HORMAD2: variants seen among roughly 807,000 people sequenced by gnomAD.
HORMAD2 encodes HORMA domain containing 2, also known as HORMA domain-containing protein 2.
A neutral mutation model predicts 38.8 loss-of-function variants in HORMAD2; 45 were observed. That is an observed-to-expected ratio of 1.16 (90% CI 0.91 to 1.49). The LOEUF (loss-of-function observed/expected upper bound fraction) is 1.49, where lower values mean the gene tolerates loss of function less well. HORMAD2 is among the 40% of genes most tolerant of loss of function. The pLI is 0.00. For synonymous variants in HORMAD2, 126 were observed against 122.8 expected (o/e 1.03, Z -0.17); for missense variants, 338 against 367.0 (o/e 0.92, Z 0.65).
At chr22:30,099,533 T>G (rs964476751) in intron 3 of HORMAD2, among the ~76,000 whole-genome samples, 12 of 152,200 alleles carry the variant, frequency 7.9e-5, no homozygotes, top group African/African-American at 2.9e-4. Flanking sequence ...GCTCTTAAAC[T>G]TATCATCTTA....
chr22:30,087,694 A>G (rs1041122812), intron 1 of HORMAD2, among the ~76,000 whole-genome samples: 1 of 151,672 alleles, frequency 6.6e-6, no homozygotes, highest in Admixed American at 6.6e-5. Flanking sequence ...CACATCTTAC[A>G]TGGCCAAAGC....
At chr22:30,105,263 C>T (rs1921101827) in intron 5 of HORMAD2, 1 of 172,480 alleles carries the variant, frequency 5.8e-6, no homozygotes, top group Non-Finnish European at 1.3e-5. Context: ...CAGGGTGAAG[C>T]CACACACCTC....
At chr22:30,086,088 G>C (rs1438866002) in intron 1 of HORMAD2, among the ~76,000 whole-genome samples, 1 of 152,166 alleles carries the variant, frequency 6.6e-6, no homozygotes, top group Admixed American at 6.6e-5. Context: ...CCCACTTGCT[G>C]TTCTTGTAAT....
At chr22:30,106,693 A>G (rs761612076) in intron 5 of HORMAD2, among the ~76,000 whole-genome samples, 2 of 152,216 alleles carry the variant, frequency 1.3e-5, no homozygotes, top group African/African-American at 2.4e-5. Context: ...TGGTCTGAAG[A>G]ATCCCAGTTC....
chr22:30,150,706 C>T (rs1041307198), intron 10 of HORMAD2, among the ~76,000 whole-genome samples: 4 of 152,182 alleles, frequency 2.6e-5, no homozygotes, highest in African/African-American at 9.7e-5. Flanking sequence ...TCCTCTTGAT[C>T]AGTTTCCCCA....
At chr22:30,152,781 G>A (rs1924832183) in intron 10 of HORMAD2, among the ~76,000 whole-genome samples, 1 of 151,440 alleles carries the variant, frequency 6.6e-6, no homozygotes, top group Admixed American at 6.6e-5. Context: ...CTAATTGTGG[G>A]CATCCCCAAA....
At chr22:30,187,901 G>A in the HORMAD2 span, among the ~76,000 whole-genome samples, 4 of 152,012 alleles carry the variant, frequency 2.6e-5, no homozygotes, top group Non-Finnish European at 5.9e-5. Context: ...CAGTGGGGGT[G>A]GTGTGGGGGA....
At chr22:30,167,246 T>G (rs1483567184) in intron 10 of HORMAD2, among the ~76,000 whole-genome samples, 1 of 152,208 alleles carries the variant, frequency 6.6e-6, no homozygotes, top group African/African-American at 2.4e-5. Context: ...CTGATTACAT[T>G]TAGGGTCCAC....
At chr22:30,092,861 A>G (rs1227230120) in intron 1 of HORMAD2, among the ~76,000 whole-genome samples, 3 of 152,080 alleles carry the variant, frequency 2.0e-5, no homozygotes, top group South Asian at 2.1e-4. Context: ...CTCTTTTTAT[A>G]CCAGTGCCAT....
chr22:30,121,867 A>C, intron 9 of HORMAD2, 78 bp downstream of exon 9: 1 of 1,541,208 alleles, frequency 6.5e-7, no homozygotes, highest in East Asian at 2.3e-5. Context: ...TTTTGCAGGC[A>C]TCTGAAAGAG....
At chr22:30,078,524 T>A (rs891681053), upstream of HORMAD2, among the ~76,000 whole-genome samples, 1 of 138,478 alleles carries the variant, frequency 7.2e-6, no homozygotes, top group Admixed American at 8.3e-5. Context: ...GAGAATCACT[T>A]GAGCCTGGGA....
chr22:30,115,096 C>T (rs1363927172), intron 7 of HORMAD2, among the ~76,000 whole-genome samples: 1 of 151,890 alleles, frequency 6.6e-6, no homozygotes, highest in Non-Finnish European at 1.5e-5. Flanking sequence ...TCCTTTGTGC[C>T]TGTTTACCAT....
chr22:30,141,672 G>A (rs1924082116), intron 10 of HORMAD2, among the ~76,000 whole-genome samples: 2 of 148,496 alleles, frequency 1.3e-5, no homozygotes, highest in South Asian at 4.2e-4. Flanking sequence ...TCGGCTTACT[G>A]CAACCTCCGC....
chr22:30,202,891 C>G, the HORMAD2 span, among the ~76,000 whole-genome samples: 11 of 152,160 alleles, frequency 7.2e-5, no homozygotes, highest in Non-Finnish European at 1.6e-4. Context: ...AAGCCGATGC[C>G]AAGGAAGTTA....
At chr22:30,135,465 G>C (rs954148142) in intron 10 of HORMAD2, among the ~76,000 whole-genome samples, 1 of 151,946 alleles carries the variant, frequency 6.6e-6, no homozygotes, top group Non-Finnish European at 1.5e-5. Flanking sequence ...TGGGGAATCT[G>C]AGGCAGTTGG....
the HORMAD2 span, among the ~76,000 whole-genome samples, chr22:30,185,185 G>A: frequency 6.6e-6 from 1 of 152,204 alleles, no homozygotes; most frequent in Non-Finnish European, 1.5e-5. Context: ...GTTCCCTTGA[G>A]GGACCAGCCC....
chr22:30,091,266 CTTT>C (rs67947501), intron 1 of HORMAD2, among the ~76,000 whole-genome samples: 12,830 of 114,106 alleles, frequency 0.11, 972 homozygotes, highest in South Asian at 0.25. Context: ...CTCTTTCTTT[CTTT>C]TTTTTTTTTT....
At chr22:30,089,055 G>T (rs1274476895) in intron 1 of HORMAD2, among the ~76,000 whole-genome samples, 1 of 152,092 alleles carries the variant, frequency 6.6e-6, no homozygotes, top group Non-Finnish European at 1.5e-5. Flanking sequence ...GTCCCCTAGT[G>T]CCCCTCTGAA....
the HORMAD2 span, chr22:30,207,145 G>C: frequency 2.1e-6 from 1 of 467,182 alleles, no homozygotes; most frequent in Non-Finnish European, 4.5e-6. Context: ...GTGGCTCACT[G>C]TGCTCCCGCC....
Sources: allele counts gnomAD v4.1 joint callset (sites outside exome capture counted in the v4.1 genomes callset), GRCh38; gene constraint gnomAD v4.1.1; transcripts MANE v1.5; gene names NCBI Gene and HGNC (gene_info 2026-07-23, HGNC 2026-07-21).